Variants in KCNN2 observed in about 807,000 individuals in gnomAD.
The protein encoded by KCNN2 is potassium calcium-activated channel subfamily N member 2, also known as small conductance calcium-activated potassium channel protein 2.
KCNN2 carries 24 observed loss-of-function variants against 55.5 expected under a neutral mutation model. The ratio of observed to expected loss-of-function variants is 0.43; its 90% CI spans 0.31 to 0.61. KCNN2 has a LOEUF of 0.61. Among genes scored for constraint, KCNN2 ranks in the 20% least tolerant of loss-of-function variants. KCNN2 has a pLI of 0.08. For missense variants in KCNN2, 754 were observed against 853.6 expected, an observed-to-expected ratio of 0.88 and a Z score of 1.45; for synonymous variants, 431 against 336.1, an observed-to-expected ratio of 1.28 and a Z score of -3.09.
At chr5:114,328,909 A>G (rs146465111) in intron 2 of KCNN2, among the ~76,000 whole-genome samples, 163 of 152,232 alleles carry the variant, frequency 1.1e-3, no homozygotes, top group African/African-American at 3.8e-3. Flanking sequence ...GCTGGCCAAA[A>G]AAGTGTGTAT....
chr5:114,180,232 A>G (rs1183070232), intron 1 of KCNN2, among the ~76,000 whole-genome samples: 5 of 152,078 alleles, frequency 3.3e-5, no homozygotes, highest in Admixed American at 6.5e-5. Flanking sequence ...TTGAATCTCA[A>G]TTTGAGCTCG....
At chr5:114,373,387 A>C (rs1308332018) in intron 2 of KCNN2, among the ~76,000 whole-genome samples, 2 of 151,650 alleles carry the variant, frequency 1.3e-5, no homozygotes, top group Admixed American at 1.3e-4. Context: ...AATTGTTTTC[A>C]TTATAGGAAG....
intron 2 of KCNN2, among the ~76,000 whole-genome samples, chr5:114,261,741 C>T (rs1029699329): frequency 6.6e-6 from 1 of 152,128 alleles, no homozygotes; most frequent in African/African-American, 2.4e-5. Flanking sequence ...GCTCATTGTA[C>T]TTGGAAAACT....
intron 2 of KCNN2, among the ~76,000 whole-genome samples, chr5:114,237,815 A>G (rs4440350): frequency 6.6e-6 from 1 of 152,076 alleles, no homozygotes; most frequent in African/African-American, 2.4e-5. Context: ...TAACTCATAT[A>G]TAGCCTTCTA....
chr5:114,244,343 AT>A (rs5870587), intron 2 of KCNN2, among the ~76,000 whole-genome samples: 121,326 of 151,432 alleles, frequency 0.8, 48,886 homozygotes, highest in East Asian at 0.89. Context: ...ATGGCGGCTC[AT>A]TGCCACTTGG....
At chr5:114,292,462 T>C (rs1210156997) in intron 2 of KCNN2, among the ~76,000 whole-genome samples, 1 of 152,234 alleles carries the variant, frequency 6.6e-6, no homozygotes, top group Non-Finnish European at 1.5e-5. Flanking sequence ...CTTTCCCCAT[T>C]GCTTGTTTTT....
chr5:114,173,486 C>A (rs796299198), intron 1 of KCNN2, among the ~76,000 whole-genome samples: 2 of 137,872 alleles, frequency 1.5e-5, no homozygotes, highest in African/African-American at 5.3e-5. Flanking sequence ...GTGTGTGATT[C>A]CCCATACAAA....
At chr5:114,126,468 A>C (rs1383919846) in intron 1 of KCNN2, among the ~76,000 whole-genome samples, 1 of 152,020 alleles carries the variant, frequency 6.6e-6, no homozygotes, top group East Asian at 1.9e-4. Context: ...AAATCATCAG[A>C]TCTTGTGAGA....
intron 2 of KCNN2, among the ~76,000 whole-genome samples, chr5:114,226,900 C>CAAA (rs34719469): frequency 1.3e-4 from 11 of 86,698 alleles, no homozygotes; most frequent in South Asian, 4.3e-4. Flanking sequence ...GACTCCGTCT[C>CAAA]AAAAAAAAAA....
chr5:114,298,588 A>G (rs1376163198), intron 2 of KCNN2, among the ~76,000 whole-genome samples: 1 of 152,248 alleles, frequency 6.6e-6, no homozygotes, highest in East Asian at 1.9e-4. Flanking sequence ...AAATTAGGAT[A>G]TAAAATATCA....
At chr5:114,177,139 T>TG (rs199764646) in intron 1 of KCNN2, among the ~76,000 whole-genome samples, 2 of 52,472 alleles carry the variant, frequency 3.8e-5, no homozygotes, top group Admixed American at 2.5e-4. Context: ...GCTAATATGC[T>TG]GGTTTTTTTT....
chr5:114,241,201 T>A (rs1300364706), intron 2 of KCNN2, among the ~76,000 whole-genome samples: 1 of 151,840 alleles, frequency 6.6e-6, no homozygotes, highest in Non-Finnish European at 1.5e-5. Flanking sequence ...ATAACTCTAA[T>A]GTCACAAAAA....
chr5:114,491,233 G>T (rs971585263), intron 6 of KCNN2, among the ~76,000 whole-genome samples: 13 of 152,058 alleles, frequency 8.5e-5, no homozygotes, highest in African/African-American at 3.1e-4. Context: ...CAGAATTCAG[G>T]ACTTTCTCTG....
chr5:114,274,466 G>A (rs1476807296), intron 2 of KCNN2, among the ~76,000 whole-genome samples: 1 of 152,170 alleles, frequency 6.6e-6, no homozygotes, highest in South Asian at 2.1e-4. Flanking sequence ...TCCTATCCAT[G>A]AGCATGGAAT....
intron 2 of KCNN2, among the ~76,000 whole-genome samples, chr5:114,351,522 G>A (rs191502590): frequency 6.6e-5 from 10 of 151,692 alleles, no homozygotes; most frequent in African/African-American, 1.2e-4. Context: ...CTCTCATATC[G>A]ATCTTAAGGG....
At chr5:114,346,504 G>A (rs757081121) in intron 2 of KCNN2, among the ~76,000 whole-genome samples, 27 of 152,106 alleles carry the variant, frequency 1.8e-4, no homozygotes, top group Non-Finnish European at 2.4e-4. Context: ...CAGATGTTTC[G>A]TTGTTAAAGG....
chr5:114,440,100 TTC>T (rs1428244426), intron 3 of KCNN2, among the ~76,000 whole-genome samples: 14 of 152,116 alleles, frequency 9.2e-5, no homozygotes, highest in African/African-American at 3.4e-4. Flanking sequence ...CCACCATGAA[TTC>T]TCTGTTTCTG....
intron 2 of KCNN2, among the ~76,000 whole-genome samples, chr5:114,399,026 C>T (rs1355229854): frequency 1.3e-5 from 2 of 152,120 alleles, no homozygotes. Context: ...TATTCGGATT[C>T]ATTTTATTTC....
chr5:114,291,976 G>A (rs1755899393), intron 2 of KCNN2, among the ~76,000 whole-genome samples: 1 of 152,136 alleles, frequency 6.6e-6, no homozygotes, highest in South Asian at 2.1e-4. Context: ...TTTTTTGGCT[G>A]CATAAATGTC....
Sources: gnomAD v4.1 joint callset for allele counts (sites outside exome capture counted in the v4.1 genomes callset) on GRCh38, gnomAD v4.1.1 for gene constraint, MANE v1.5 for transcripts, NCBI Gene and HGNC (gene_info 2026-07-23, HGNC 2026-07-21) for gene names.